RABGAP1L: variants seen among roughly 807,000 people sequenced by gnomAD.
RABGAP1L encodes rab GTPase-activating protein 1-like.
RABGAP1L carries 63 observed loss-of-function variants against 137.7 expected under a neutral mutation model. That is an observed-to-expected ratio of 0.46 (90% confidence interval 0.37 to 0.56). The LOEUF (loss-of-function observed/expected upper bound fraction) is 0.56. Among genes scored for constraint, RABGAP1L ranks in the 20% least tolerant of loss-of-function variants. The pLI, the probability that RABGAP1L is intolerant of heterozygous loss-of-function variation, is 0.00. For synonymous variants in RABGAP1L, 431 were observed against 433.7 expected (o/e 0.99, Z 0.08); for missense variants, 1,095 against 1,244.0 (o/e 0.88, Z 1.80).
At chr1:174,633,474 A>C (rs1572613310) in intron 13 of RABGAP1L, among the ~76,000 whole-genome samples, 2 of 151,704 alleles carry the variant, frequency 1.3e-5, no homozygotes, top group African/African-American at 4.9e-5. Context: ...TAATTTATAG[A>C]TTCAGTGCCA....
intron 13 of RABGAP1L, among the ~76,000 whole-genome samples, chr1:174,607,319 T>C (rs1339487581): frequency 1.3e-5 from 2 of 152,174 alleles, no homozygotes; most frequent in Admixed American, 6.5e-5. Flanking sequence ...GTAATCTTTT[T>C]CCCCCATCAC....
chr1:174,565,917 G>A (rs1194557525), intron 13 of RABGAP1L, among the ~76,000 whole-genome samples: 1 of 141,334 alleles, frequency 7.1e-6, no homozygotes, highest in Non-Finnish European at 1.5e-5. Flanking sequence ...ACAGGTTCTG[G>A]TTCTGTTACC....
chr1:174,809,410 C>A (rs78171382), intron 18 of RABGAP1L, among the ~76,000 whole-genome samples: 2 of 152,162 alleles, frequency 1.3e-5, no homozygotes, highest in African/African-American at 4.8e-5. Context: ...ACATGGCCAT[C>A]CCTGCTTGAC....
chr1:174,790,521 C>G (rs187930959), intron 18 of RABGAP1L, among the ~76,000 whole-genome samples: 21 of 151,860 alleles, frequency 1.4e-4, no homozygotes, highest in African/African-American at 4.8e-4. Flanking sequence ...GTAATCCTAG[C>G]TACTCAGTAG....
intron 1 of RABGAP1L, among the ~76,000 whole-genome samples, chr1:174,211,383 G>A (rs992319490): frequency 1.1e-4 from 16 of 152,126 alleles, no homozygotes; most frequent in Non-Finnish European, 2.2e-4. Flanking sequence ...TTTTCTTCTT[G>A]CTTGTTTGCT....
chr1:174,921,174 C>T (rs1443671421), intron 19 of RABGAP1L, among the ~76,000 whole-genome samples: 2 of 152,132 alleles, frequency 1.3e-5, no homozygotes, highest in Non-Finnish European at 2.9e-5. Context: ...CCACCTGCCG[C>T]GGCCTCCCAG....
intron 9 of RABGAP1L, 74 bp downstream of exon 9, chr1:174,276,009 T>A: frequency 7.9e-7 from 1 of 1,269,500 alleles, no homozygotes; most frequent in Non-Finnish European, 1.1e-6. Context: ...TGTCATGTTT[T>A]AAAAAAAATT....
chr1:174,415,531 T>C (rs1650451837), intron 13 of RABGAP1L, among the ~76,000 whole-genome samples: 1 of 152,106 alleles, frequency 6.6e-6, no homozygotes. Flanking sequence ...TTATGAAAAC[T>C]GCTTAATCTT....
intron 13 of RABGAP1L, among the ~76,000 whole-genome samples, chr1:174,581,180 A>G (rs1321714197): frequency 1.3e-5 from 2 of 152,220 alleles, no homozygotes; most frequent in African/African-American, 2.4e-5. Context: ...GTAAATAGCC[A>G]AGAGAATTGA....
intron 21 of RABGAP1L, among the ~76,000 whole-genome samples, chr1:174,972,451 A>G (rs1670217369): frequency 6.6e-6 from 1 of 152,220 alleles, no homozygotes; most frequent in Non-Finnish European, 1.5e-5. Flanking sequence ...TCATACATAT[A>G]TAGCAGAAGC....
chr1:174,620,497 A>G (rs188327168), intron 13 of RABGAP1L, among the ~76,000 whole-genome samples: 10 of 152,310 alleles, frequency 6.6e-5, no homozygotes, highest in East Asian at 1.9e-4. Context: ...AAATCACTCA[A>G]CTACATGGAA....
At chr1:174,870,961 G>A (rs573214441) in intron 19 of RABGAP1L, among the ~76,000 whole-genome samples, 2 of 151,850 alleles carry the variant, frequency 1.3e-5, no homozygotes, top group Admixed American at 6.6e-5. Flanking sequence ...GGATGGTCTC[G>A]ATCTCCTGAC....
chr1:174,401,014 T>A lies in RABGAP1L; in HGVS notation c.1710+6869T>A, dbSNP rs556636107. 1.3e-3 allele frequency among the ~76,000 whole-genome samples: 198 copies of A among 152,120 alleles called. 1 individual carries two copies. The highest frequency in any genetic ancestry group is 4.4e-3 in the African/African-American group (184 of 41,478). On this transcript the variant is annotated intron_variant, in intron 13 of 25. Coordinates refer to ENST00000681986, the MANE Select transcript of RABGAP1L (RefSeq NM_001366446.1). ...TGAAAATCTCTGGATGAGATTCAAG[T>A]GAAAATGAAGCAGGTTAGGAGCTGT...
chr1:174,573,919 A>G (rs140790594), intron 13 of RABGAP1L, among the ~76,000 whole-genome samples: 112 of 152,368 alleles, frequency 7.4e-4, no homozygotes, highest in African/African-American at 2.5e-3. Context: ...CCAGAATTCT[A>G]TTTAATTGCC....
intron 13 of RABGAP1L, among the ~76,000 whole-genome samples, chr1:174,609,609 G>A (rs1297257334): frequency 1.3e-5 from 2 of 152,096 alleles, no homozygotes; most frequent in African/African-American, 4.8e-5. Context: ...GGAATTTTCT[G>A]ATCCTTACCT....
At chr1:174,756,849 A>C in intron 18 of RABGAP1L, 1 of 601,586 alleles carries the variant, frequency 1.7e-6, no homozygotes, top group South Asian at 1.4e-5. Context: ...CCCAGAAAGC[A>C]TCACAAGAAG....
intron 13 of RABGAP1L, among the ~76,000 whole-genome samples, chr1:174,635,788 C>G (rs1673966009): frequency 6.6e-6 from 1 of 152,188 alleles, no homozygotes; most frequent in East Asian, 1.9e-4. Context: ...ATCTAATTAC[C>G]ACCCAGCATG....
At chr1:174,760,565 G>T (rs988447115) in intron 18 of RABGAP1L, among the ~76,000 whole-genome samples, 1 of 152,138 alleles carries the variant, frequency 6.6e-6, no homozygotes, top group Non-Finnish European at 1.5e-5. Context: ...TTTAACCAGG[G>T]TACTGTTGAT....
chr1:174,703,696 A>G (rs1042284209), intron 17 of RABGAP1L, among the ~76,000 whole-genome samples: 5 of 152,204 alleles, frequency 3.3e-5, no homozygotes, highest in African/African-American at 1.2e-4. Flanking sequence ...ACTAATTTAC[A>G]TTCTCACCAG....
Sources: allele counts gnomAD v4.1 joint callset (sites outside exome capture counted in the v4.1 genomes callset), GRCh38; gene constraint gnomAD v4.1.1; transcripts MANE v1.5; gene names NCBI Gene and HGNC (gene_info 2026-07-23, HGNC 2026-07-21).